Variants in MAPK10 observed in about 807,000 individuals in gnomAD.
The protein encoded by MAPK10 is mitogen-activated protein kinase 10.
A neutral mutation model predicts 59.3 loss-of-function variants in MAPK10; 25 were observed. The observed-to-expected ratio is 0.42, with a 90% confidence interval of 0.31 to 0.59. The LOEUF (loss-of-function observed/expected upper bound fraction) is 0.59, where lower values mean the gene tolerates loss of function less well. Ranked by LOEUF, MAPK10 falls within the 20% of genes least tolerant of loss-of-function variation. The pLI, the probability that MAPK10 is intolerant of heterozygous loss-of-function variation, is 0.15. For missense variants in MAPK10, 351 were observed against 568.9 expected (o/e 0.62, Z 3.90); for synonymous variants, 190 against 200.5 (o/e 0.95, Z 0.44).
chr4:86,384,705 G>A (rs762700931), intron 1 of MAPK10, among the ~76,000 whole-genome samples: 17 of 152,124 alleles, frequency 1.1e-4, no homozygotes, highest in African/African-American at 4.1e-4. Context: ...ATGTGGAGAC[G>A]ACAGATTTGC....
upstream of MAPK10, among the ~76,000 whole-genome samples, chr4:86,362,700 T>C (rs1280300580): frequency 6.6e-6 from 1 of 152,142 alleles, no homozygotes; most frequent in East Asian, 1.9e-4. Context: ...AAGTATTATA[T>C]ATCATTAGTC....
At chr4:86,208,301 G>A (rs2084747870) in intron 2 of MAPK10, among the ~76,000 whole-genome samples, 1 of 150,650 alleles carries the variant, frequency 6.6e-6, no homozygotes, top group East Asian at 1.9e-4. Flanking sequence ...GAGAATTTTA[G>A]ACCAATATCC....
intron 1 of MAPK10, among the ~76,000 whole-genome samples, chr4:86,425,926 G>C (rs192455052): frequency 6.6e-6 from 1 of 152,158 alleles, no homozygotes; most frequent in Non-Finnish European, 1.5e-5. Context: ...AGCCGAGATT[G>C]AGCCACTGTA....
intron 2 of MAPK10, among the ~76,000 whole-genome samples, chr4:86,211,918 T>C (rs2085927496): frequency 6.6e-6 from 1 of 151,970 alleles, no homozygotes; most frequent in Admixed American, 6.6e-5. Flanking sequence ...GTATTCCCCA[T>C]GCTAGACACA....
At chr4:86,068,213 G>A (rs1326796972) in intron 9 of MAPK10, among the ~76,000 whole-genome samples, 1 of 152,104 alleles carries the variant, frequency 6.6e-6, no homozygotes, top group African/African-American at 2.4e-5. Context: ...AGTCTTTGGG[G>A]TGTACAGATA....
chr4:86,403,121 CAA>C (rs1278978035), intron 1 of MAPK10, among the ~76,000 whole-genome samples: 2 of 152,088 alleles, frequency 1.3e-5, no homozygotes, highest in African/African-American at 2.4e-5. Context: ...AATTCAGAAA[CAA>C]GAGATAGTGA....
chr4:86,294,398 G>A (rs570145166), intron 2 of MAPK10, among the ~76,000 whole-genome samples: 4 of 152,232 alleles, frequency 2.6e-5, no homozygotes, highest in African/African-American at 9.6e-5. Flanking sequence ...GTGGGCCAGA[G>A]TTTACATATA....
At chr4:86,405,649 G>A (rs1744272945) in intron 1 of MAPK10, among the ~76,000 whole-genome samples, 1 of 152,106 alleles carries the variant, frequency 6.6e-6, no homozygotes, top group Admixed American at 6.6e-5. Context: ...ACAACTTTTA[G>A]AGCCACAGAA....
At chr4:86,232,681 A>AT (rs1332726585) in intron 2 of MAPK10, among the ~76,000 whole-genome samples, 6 of 152,150 alleles carry the variant, frequency 3.9e-5, no homozygotes, top group African/African-American at 1.2e-4. Flanking sequence ...CCTAGAGTCA[A>AT]TTTTTTCTGT....
chr4:86,098,533 C>T lies in MAPK10; in HGVS notation c.793G>A (p.Gly265Arg). 1 of 1,613,228 alleles carries T rather than the reference C, an allele frequency of 6.2e-7. No individual in the cohort carries two copies. Among genetic ancestry groups the T allele is most frequent in the Non-Finnish European group, 8.5e-7 (1 of 1,179,286 alleles). The part of the protein sequence containing the change: ...EMVRHKILFP[G>R]RDYIDQWNKV... ...AAAGGTACAAGGATACAGTCCCTTC[C>T]TGGAAAGAGGATTTTGTGGCGAACC... The change falls in exon 9 of 14, where the codon GGA becomes AGA. Residue 265 changes from glycine to arginine, a missense_variant. Physicochemically the swap from Gly to Arg is moderately radical, Grantham distance 125. Transcript: ENST00000641462.
chr4:86,046,310 T>G (rs2148950647), intron 11 of MAPK10, among the ~76,000 whole-genome samples: 1 of 151,842 alleles, frequency 6.6e-6, no homozygotes, highest in East Asian at 2.0e-4. Context: ...TTCTCTTGCC[T>G]GACTGCCCTG....
chr4:86,472,030 T>C (rs898390229), intron 1 of MAPK10, among the ~76,000 whole-genome samples: 5 of 152,222 alleles, frequency 3.3e-5, no homozygotes, highest in Admixed American at 2.0e-4. Context: ...TGATTACATG[T>C]ACCAAATTGA....
intron 1 of MAPK10, among the ~76,000 whole-genome samples, chr4:86,560,563 C>T (rs749996312): frequency 1.5e-4 from 23 of 152,190 alleles, no homozygotes; most frequent in Non-Finnish European, 3.1e-4. Context: ...TATCTGAAAG[C>T]GTGAAACCAG....
intron 2 of MAPK10, among the ~76,000 whole-genome samples, chr4:86,235,608 C>T (rs942794887): frequency 2.0e-5 from 3 of 152,150 alleles, no homozygotes; most frequent in Non-Finnish European, 4.4e-5. Context: ...TTACTGAACA[C>T]CTCCTACTTG....
intron 9 of MAPK10, among the ~76,000 whole-genome samples, chr4:86,073,033 T>G (rs2048374735): frequency 1.1e-5 from 1 of 90,214 alleles, no homozygotes; most frequent in Non-Finnish European, 2.3e-5. Flanking sequence ...TTGACTCTTT[T>G]TGGTTGGTAA....
In MAPK10 at chr4:86,567,796, A is replaced by T. The variant is rs1227605621; in HGVS notation, c.-263+26114T>A. 2.6e-5 allele frequency among the ~76,000 whole-genome samples: 4 copies of T among 152,220 alleles called. No individual in the cohort carries two copies. In the East Asian group the frequency reaches 7.7e-4, roughly 29 times the overall value. On this transcript the variant is annotated intron_variant, in intron 1 of 4. Coordinates refer to the MAPK10 transcript ENST00000502302. Reference sequence around the variant, plus strand: ...CAGTAAAGAAGTTTATGTCAAAGTGATTTATTTTTTCTTAGGGAAGGTTAG... The same window carrying T: ...CAGTAAAGAAGTTTATGTCAAAGTGTTTTATTTTTTCTTAGGGAAGGTTAG...
At chr4:86,018,988 A>T (rs769417476) in intron 13 of MAPK10, among the ~76,000 whole-genome samples, 20 of 152,336 alleles carry the variant, frequency 1.3e-4, no homozygotes, top group Non-Finnish European at 2.2e-4. Flanking sequence ...GAAAAGTGTG[A>T]TGAAAATGTA....
intron 4 of MAPK10, among the ~76,000 whole-genome samples, chr4:86,156,936 T>C (rs910153153): frequency 6.6e-6 from 1 of 152,046 alleles, no homozygotes; most frequent in African/African-American, 2.4e-5. Flanking sequence ...ATAATTCTCA[T>C]TGTTTCTGCT....
At chr4:86,502,358 T>C (rs1461837593) in intron 1 of MAPK10, among the ~76,000 whole-genome samples, 1 of 152,082 alleles carries the variant, frequency 6.6e-6, no homozygotes, top group Admixed American at 6.6e-5. Flanking sequence ...TAAAGAAGCT[T>C]AACATTATTC....
Sources: gnomAD v4.1 joint callset for allele counts (sites outside exome capture counted in the v4.1 genomes callset) on GRCh38, gnomAD v4.1.1 for gene constraint, MANE v1.5 for transcripts, NCBI Gene and HGNC (gene_info 2026-07-23, HGNC 2026-07-21) for gene names.